CDKAL1: variants seen among roughly 807,000 people sequenced by gnomAD.
CDKAL1 encodes the protein CDKAL1 threonylcarbamoyladenosine tRNA methylthiotransferase.
Under a neutral mutation model 68.2 loss-of-function variants are expected in CDKAL1, and 32 were observed. The observed-to-expected ratio is 0.47, with a 90% CI of 0.35 to 0.63. CDKAL1 has a LOEUF of 0.63. Among genes scored for constraint, CDKAL1 ranks in the 30% least tolerant of loss-of-function variants. The pLI, the probability that CDKAL1 is intolerant of heterozygous loss-of-function variation, is 0.00. For synonymous variants in CDKAL1, 234 were observed against 244.3 expected, an observed-to-expected ratio of 0.96 and a Z score of 0.39; for missense variants, 606 against 696.7, an observed-to-expected ratio of 0.87 and a Z score of 1.47.
At chr6:21,001,412 T>C (rs997117344) in intron 11 of CDKAL1, among the ~76,000 whole-genome samples, 4 of 152,154 alleles carry the variant, frequency 2.6e-5, no homozygotes, top group African/African-American at 7.2e-5. Context: ...TTTTCTATTC[T>C]TCCATACCTT....
At chr6:20,664,082 G>T (rs1225906690) in intron 5 of CDKAL1, among the ~76,000 whole-genome samples, 1 of 152,030 alleles carries the variant, frequency 6.6e-6, no homozygotes, top group African/African-American at 2.4e-5. Flanking sequence ...TATTATCAGA[G>T]GGATATTAAC....
At chr6:20,691,496 T>C (rs1770868016) in intron 5 of CDKAL1, among the ~76,000 whole-genome samples, 1 of 152,144 alleles carries the variant, frequency 6.6e-6, no homozygotes, top group Admixed American at 6.5e-5. Flanking sequence ...ATTTAGTCTG[T>C]AGTTTTATTA....
At chr6:21,215,052 A>T (rs186951918) in intron 15 of CDKAL1, among the ~76,000 whole-genome samples, 1 of 152,270 alleles carries the variant, frequency 6.6e-6, no homozygotes, top group East Asian at 1.9e-4. Flanking sequence ...GGCTCAGCTG[A>T]TCTCAGCCTG....
intron 5 of CDKAL1, among the ~76,000 whole-genome samples, chr6:20,695,204 A>C (rs191643666): frequency 6.6e-6 from 1 of 152,154 alleles, no homozygotes; most frequent in African/African-American, 2.4e-5. Flanking sequence ...CAAGTTGTCT[A>C]TGGCCTTATG....
intron 5 of CDKAL1, among the ~76,000 whole-genome samples, chr6:20,656,025 G>T (rs1356643930): frequency 6.6e-6 from 1 of 152,126 alleles, no homozygotes; most frequent in African/African-American, 2.4e-5. Flanking sequence ...GCCTATCAAT[G>T]AGTTGTAGAT....
intron 9 of CDKAL1, among the ~76,000 whole-genome samples, chr6:20,894,158 A>G (rs1276778508): frequency 6.6e-6 from 1 of 152,210 alleles, no homozygotes; most frequent in Non-Finnish European, 1.5e-5. Flanking sequence ...TTTTGGTGAC[A>G]GCCTGATGCA....
chr6:21,080,839 A>G (rs950674731), intron 12 of CDKAL1, among the ~76,000 whole-genome samples: 1 of 152,226 alleles, frequency 6.6e-6, no homozygotes, highest in African/African-American at 2.4e-5. Context: ...TGGTAAAGAT[A>G]AGAAGAAAAC....
chr6:20,996,860 T>C (rs1238746701), intron 10 of CDKAL1, among the ~76,000 whole-genome samples: 2 of 152,242 alleles, frequency 1.3e-5, no homozygotes, highest in South Asian at 2.1e-4. Context: ...CTTATGTATA[T>C]ACCTATAGAT....
chr6:20,749,845 C>G (rs564599588), intron 6 of CDKAL1, among the ~76,000 whole-genome samples: 1 of 152,040 alleles, frequency 6.6e-6, no homozygotes, highest in African/African-American at 2.4e-5. Flanking sequence ...CCACGCCCAG[C>G]CCCAGATTTT....
chr6:20,619,165 G>A (rs953366584), intron 4 of CDKAL1, among the ~76,000 whole-genome samples: 3 of 152,080 alleles, frequency 2.0e-5, no homozygotes, highest in Non-Finnish European at 2.9e-5. Flanking sequence ...TAATTCAGAT[G>A]TATCCTCAGA....
chr6:21,205,785 C>A (rs1377010201), intron 15 of CDKAL1, among the ~76,000 whole-genome samples: 2 of 148,134 alleles, frequency 1.4e-5, no homozygotes, highest in Non-Finnish European at 3.0e-5. Context: ...CCCGCCTTGG[C>A]CTCCCAAAGT....
rs1012498114 is a variant in CDKAL1 at position 20,636,804 on chromosome 6, A to T, written c.287-12489A>T. Reference sequence around the variant, plus strand: ...TGTAATCCCACACTTTGGGAGGCCGAGGCGGGTGGATCATCTGAGGTCAGG... The same window carrying T: ...TGTAATCCCACACTTTGGGAGGCCGTGGCGGGTGGATCATCTGAGGTCAGG... On this transcript the variant is annotated intron_variant, in intron 4 of 15. Transcript: ENST00000274695. 7.9e-5 allele frequency among the ~76,000 whole-genome samples: 12 copies of T among 152,322 alleles called. No homozygotes were observed. The South Asian group carries it at 1.4e-3, about 18-fold the overall frequency.
Position 20,989,182 on chromosome 6 carries a change from T to G in CDKAL1, c.910-11045T>G, listed in dbSNP as rs147657372. Among the ~76,000 whole-genome samples the G allele has an allele frequency of 5.1e-4, 78 of 152,196 alleles. No individual in the cohort carries two copies. In the East Asian group the frequency reaches 0.014, roughly 27 times the overall value. ...TCATAGCATCAGGAGTCAAATGAGA[T>G]GCACTCAAACTGTTCCGCAGACTGC... On this transcript the variant is annotated intron_variant, in intron 10 of 15. Coordinates refer to ENST00000274695, the MANE Select transcript of CDKAL1 (RefSeq NM_017774.3).
chr6:20,586,989 T>TGTTTTTTTTTTTTTTTTTTTTTTG (rs554190538), intron 4 of CDKAL1, among the ~76,000 whole-genome samples: 1 of 141,868 alleles, frequency 7.0e-6, no homozygotes. Context: ...TTTTTTTTTT[T>TGTTTTTTTTTTTTTTTTTTTTTTG]TTTTTTTTTT....
At position 21,052,117 on chromosome 6, in the gene CDKAL1, C is replaced by T. The variant is rs1236201535; in HGVS notation, c.1056-12931C>T. 2.0e-5 allele frequency among the ~76,000 whole-genome samples: 3 copies of T among 152,004 alleles called. No homozygotes were observed. In the East Asian group the frequency reaches 5.8e-4, roughly 29 times the overall value. On this transcript the variant is annotated intron_variant, in intron 11 of 15. Coordinates refer to ENST00000274695, the MANE Select transcript of CDKAL1 (RefSeq NM_017774.3). ...TTAATTTAAGAAATTTTTAATAAAACTATGAGAATAAATTTAGAGATGCTG... is the reference window on the plus strand; with the variant it reads ...TTAATTTAAGAAATTTTTAATAAAATTATGAGAATAAATTTAGAGATGCTG...
intron 9 of CDKAL1, among the ~76,000 whole-genome samples, chr6:20,885,983 G>A (rs963993000): frequency 6.6e-6 from 1 of 152,072 alleles, no homozygotes; most frequent in Non-Finnish European, 1.5e-5. Context: ...GTTGCAGTGA[G>A]CCAAGATCAT....
chr6:21,110,422 T>TC (rs966279562), intron 13 of CDKAL1, among the ~76,000 whole-genome samples: 1 of 152,204 alleles, frequency 6.6e-6, no homozygotes, highest in Non-Finnish European at 1.5e-5. Flanking sequence ...TTGCTATTTT[T>TC]CCCCGCATGA....
intron 6 of CDKAL1, among the ~76,000 whole-genome samples, chr6:20,748,574 A>G (rs1236477537): frequency 1.3e-4 from 4 of 30,602 alleles, no homozygotes; most frequent in Admixed American, 1.0e-3. Flanking sequence ...AAAAAAAAAA[A>G]AAAAAAAAAA....
At chr6:21,002,160 A>G (rs566969541) in intron 11 of CDKAL1, among the ~76,000 whole-genome samples, 1 of 152,284 alleles carries the variant, frequency 6.6e-6, no homozygotes, top group Admixed American at 6.5e-5. Context: ...TAGAGGTAAA[A>G]AGATGATCAT....
Sources: allele counts gnomAD v4.1 joint callset (sites outside exome capture counted in the v4.1 genomes callset), GRCh38; gene constraint gnomAD v4.1.1; transcripts MANE v1.5; gene names NCBI Gene and HGNC (gene_info 2026-07-23, HGNC 2026-07-21).